The following WDR64 variants were observed in gnomAD, a reference collection of about 807,000 sequenced individuals.
WDR64 encodes WD repeat-containing protein 64.
WDR64 carries 112 observed loss-of-function variants against 139.3 expected under a neutral mutation model. The ratio of observed to expected loss-of-function variants is 0.80; its 90% CI spans 0.69 to 0.94. WDR64 has a LOEUF of 0.94. Ranked by LOEUF, WDR64 falls within the 40% of genes least tolerant of loss-of-function variation. The probability of loss-of-function intolerance (pLI) is 0.00; values close to 1 mark genes in which losing one functional copy is unlikely to be tolerated. For missense variants in WDR64, 1,206 were observed against 1,293.1 expected, an observed-to-expected ratio of 0.93 and a Z score of 1.03; for synonymous variants, 444 against 437.7, an observed-to-expected ratio of 1.01 and a Z score of -0.18.
At chr1:241,660,406 A>C in intron 1 of WDR64, 124 bp from the exon 2 acceptor site, 1 of 1,253,540 alleles carries the variant, frequency 8.0e-7, no homozygotes, top group East Asian at 2.6e-5. Context: ...TTAAAATGCA[A>C]ATATATCTGG....
intron 23 of WDR64, among the ~76,000 whole-genome samples, chr1:241,783,633 A>C (rs1205249798): frequency 1.3e-5 from 2 of 152,218 alleles, no homozygotes; most frequent in Non-Finnish European, 2.9e-5. Context: ...ATAAAAGTGA[A>C]GTTTTTTTTG....
rs761766060 is a variant in WDR64 at position 241,775,184 on chromosome 1, C to T, written c.2510C>T (p.Thr837Met). The T allele has an allele frequency of 7.9e-5, 122 of 1,550,314 alleles. No individual in the cohort carries two copies. Among genetic ancestry groups the T allele is most frequent in the South Asian group, 2.4e-4 (20 of 83,954 alleles). ...ACATCGCTGTATACTGATTCATGTA[C>T]GAGGATACTACTGGCTGGAAATGTG... ...SLTSLYTDSCTRILLAGNVEG... is the reference protein window; with the variant it reads ...SLTSLYTDSCMRILLAGNVEG... The change falls in exon 21 of 28, where the codon ACG becomes ATG. Residue 837 changes from threonine (T) to methionine (M), a missense_variant. Thr to Met is a moderately conservative substitution (Grantham distance 81). Transcript: ENST00000437684.
chr1:241,744,373 A>G lies in WDR64; in HGVS notation c.1471-20A>G, dbSNP rs752377188. On this transcript the variant is annotated intron_variant, in intron 12 of 27. Coordinates refer to ENST00000437684, the MANE Select transcript of WDR64 (RefSeq NM_001367482.1). ...GGCTTCTTCAAACGGATTACTTGATATTTTCGTTCTTTCCCATAGGTATGG... is the reference window on the plus strand; with the variant it reads ...GGCTTCTTCAAACGGATTACTTGATGTTTTCGTTCTTTCCCATAGGTATGG... The G allele has an allele frequency of 3.1e-6, 5 of 1,612,372 alleles. No individual in the cohort carries two copies. The highest frequency in any genetic ancestry group is 1.1e-5 in the South Asian group (1 of 90,686).
chr1:241,677,175 C>A, intron 4 of WDR64: 1 of 394,300 alleles, frequency 2.5e-6, no homozygotes, highest in East Asian at 3.6e-5. Context: ...ATTAAAAATT[C>A]AAAATATATC....
intron 10 of WDR64, among the ~76,000 whole-genome samples, chr1:241,726,404 TA>T (rs34985315): frequency 0.17 from 26,105 of 151,868 alleles, 2,373 homozygotes; most frequent in Admixed American, 0.26. Flanking sequence ...ACACCATCTT[TA>T]AAAAAAGAGA....
chr1:241,722,755 T>C (rs1172591711), intron 9 of WDR64, among the ~76,000 whole-genome samples: 1 of 152,192 alleles, frequency 6.6e-6, no homozygotes. Context: ...CTATGATTTT[T>C]AGCAATTAAA....
chr1:241,710,979 G>A (rs1437300792), intron 8 of WDR64, among the ~76,000 whole-genome samples: 1 of 152,230 alleles, frequency 6.6e-6, no homozygotes, highest in Admixed American at 6.5e-5. Flanking sequence ...GCTCACGCCT[G>A]TAGTCCCTGC....
rs1668684524 is a variant in WDR64, at chr1:241,723,443, A to G, written c.1194+7A>G. ...CAGCCTTTCCTCTGCAAAGGTAACA[A>G]AAAGAAAATAACAAAACAAAACTAG... On this transcript the variant is annotated splice_region_variant and intron_variant, in intron 10 of 27. Coordinates refer to ENST00000437684, the MANE Select transcript of WDR64 (RefSeq NM_001367482.1). The G allele has an allele frequency of 6.2e-7, 1 of 1,612,816 alleles. No individual in the cohort carries two copies. Among genetic ancestry groups the G allele is most frequent in the African/African-American group, 1.3e-5 (1 of 74,892 alleles).
At chr1:241,744,371 A>G (rs766647373) in intron 12 of WDR64, 22 bp from the exon 13 acceptor site, 3 of 1,612,450 alleles carry the variant, frequency 1.9e-6, no homozygotes, top group Non-Finnish European at 2.5e-6. Flanking sequence ...GGATTACTTG[A>G]TATTTTCGTT....
chr1:241,678,367 A>G, intron 5 of WDR64, 151 bp downstream of exon 5: 3 of 390,670 alleles, frequency 7.7e-6, no homozygotes, highest in East Asian at 3.6e-5. Context: ...CTAGGATCAA[A>G]CCTAAGCCTT....
chr1:241,729,624 C>G (rs1352155897), intron 10 of WDR64, among the ~76,000 whole-genome samples: 1 of 152,146 alleles, frequency 6.6e-6, no homozygotes, highest in Non-Finnish European at 1.5e-5. Context: ...TCCTTTACAT[C>G]TAAGTGAAAT....
chr1:241,689,082 A>C (rs1225491927), intron 8 of WDR64, among the ~76,000 whole-genome samples: 1 of 152,144 alleles, frequency 6.6e-6, no homozygotes, highest in Non-Finnish European at 1.5e-5. Context: ...CCTAAGAGGG[A>C]GGGTGAGGAA....
chr1:241,718,699 A>C (rs1184267441), intron 9 of WDR64, among the ~76,000 whole-genome samples: 1 of 152,182 alleles, frequency 6.6e-6, no homozygotes, highest in Non-Finnish European at 1.5e-5. Context: ...CATAAGCAGA[A>C]AGGTTTAAGC....
At position 241,724,135 on chromosome 1, in the gene WDR64, T is replaced by C. The variant is rs147943505; in HGVS notation, c.1194+699T>C. Among the ~76,000 whole-genome samples the C allele has an allele frequency of 1.3e-3, 199 of 152,282 alleles. 1 individual carries two copies. The highest frequency in any genetic ancestry group is 4.5e-3 in the African/African-American group (187 of 41,582). ...CATTAAGATAACTATGAAGTTTTAC[T>C]GTGTTTAAGAACACAAATTAAGGGA... On this transcript the variant is annotated intron_variant, in intron 10 of 27. Coordinates refer to ENST00000437684, the MANE Select transcript of WDR64 (RefSeq NM_001367482.1).
intron 10 of WDR64, 87 bp from the exon 11 acceptor site, chr1:241,738,276 A>T: frequency 4.0e-6 from 6 of 1,488,742 alleles, no homozygotes; most frequent in Non-Finnish European, 5.4e-6. Context: ...ATAAGAGTGT[A>T]TTTCAAACTG....
chr1:241,739,846 A>G lies in WDR64; in HGVS notation c.1321+1357A>G, dbSNP rs536590229. Among the ~76,000 whole-genome samples the G allele has an allele frequency of 2.0e-5, 3 of 152,344 alleles. No individual in the cohort carries two copies. The South Asian group carries it at 6.2e-4, about 32-fold the overall frequency. On this transcript the variant is annotated intron_variant, in intron 11 of 27. Transcript: ENST00000437684. ...ACCATGAACTTGACATCAGAATTAC[A>G]TGAAGCTTATGTCTAGGATTTTAAT... is the stretch of plus-strand genomic sequence containing the variant.
At chr1:241,663,168 T>C (rs1458081143) in intron 2 of WDR64, among the ~76,000 whole-genome samples, 1 of 152,120 alleles carries the variant, frequency 6.6e-6, no homozygotes, top group Non-Finnish European at 1.5e-5. Flanking sequence ...ATAACTCTAT[T>C]GAAAAAAGAC....
chr1:241,732,253 A>C (rs1669110319), intron 10 of WDR64, among the ~76,000 whole-genome samples: 1 of 152,182 alleles, frequency 6.6e-6, no homozygotes, highest in Admixed American at 6.5e-5. Flanking sequence ...TACAATTTTC[A>C]TTATGGAATA....
chr1:241,695,986 C>T (rs145448039), intron 8 of WDR64, among the ~76,000 whole-genome samples: 68 of 151,424 alleles, frequency 4.5e-4, no homozygotes, highest in African/African-American at 1.5e-3. Context: ...TGGTGGCATG[C>T]GCCTGTGGTC....
Sources: allele counts gnomAD v4.1 joint callset (sites outside exome capture counted in the v4.1 genomes callset), GRCh38; gene constraint gnomAD v4.1.1; transcripts MANE v1.5; gene names NCBI Gene and HGNC (gene_info 2026-07-23, HGNC 2026-07-21).